The following ADGRL2 variants were observed in gnomAD, a reference collection of about 807,000 sequenced individuals.
ADGRL2 encodes calcium-independent alpha-latrotoxin receptor 2.
Under a neutral mutation model 157.4 loss-of-function variants are expected in ADGRL2, and 44 were observed. The observed-to-expected ratio is 0.28, with a 90% CI of 0.22 to 0.36. The LOEUF is 0.36. Ranked by LOEUF, ADGRL2 falls within the 10% of genes least tolerant of loss-of-function variation. The probability of loss-of-function intolerance (pLI) is 1.00; values close to 1 mark genes in which losing one functional copy is unlikely to be tolerated. For synonymous variants in ADGRL2, 585 were observed against 624.7 expected (o/e 0.94, Z 0.95); for missense variants, 1,510 against 1,768.9 (o/e 0.85, Z 2.63).
intron 14 of ADGRL2, among the ~76,000 whole-genome samples, chr1:81,968,577 TAACCAC>T (rs1657819071): frequency 6.6e-6 from 1 of 152,222 alleles, no homozygotes; most frequent in Admixed American, 6.5e-5. Flanking sequence ...TTAAGTTTCC[TAACCAC>T]TTTGCACATT....
At chr1:81,485,177 CAAAA>C (rs59279416) in intron 2 of ADGRL2, among the ~76,000 whole-genome samples, 2 of 100,126 alleles carry the variant, frequency 2.0e-5, no homozygotes, top group East Asian at 2.3e-4. Context: ...TTGAAAAGCA[CAAAA>C]AAAAAAAAAA....
chr1:81,845,641 G>T (rs1189385736), intron 2 of ADGRL2, among the ~76,000 whole-genome samples: 8 of 150,874 alleles, frequency 5.3e-5, no homozygotes, highest in Non-Finnish European at 1.2e-4. Context: ...TTTGTACACT[G>T]CTTTTGCCAG....
chr1:81,383,017 A>T (rs1253691043), intron 1 of ADGRL2, among the ~76,000 whole-genome samples: 3 of 152,212 alleles, frequency 2.0e-5, no homozygotes, highest in Non-Finnish European at 4.4e-5. Context: ...TTAAGCACAT[A>T]CAAGTCAGGC....
chr1:81,653,650 T>C (rs1220511399), intron 3 of ADGRL2, among the ~76,000 whole-genome samples: 1 of 152,224 alleles, frequency 6.6e-6, no homozygotes, highest in Admixed American at 6.5e-5. Flanking sequence ...TTTCTATTTC[T>C]ATTCATTCTT....
chr1:81,478,942 A>T (rs72940984), intron 2 of ADGRL2, among the ~76,000 whole-genome samples: 5,623 of 152,004 alleles, frequency 0.037, 346 homozygotes, highest in African/African-American at 0.13. Flanking sequence ...GCTAATATCC[A>T]AGACTGCACA....
chr1:81,409,724 C>T (rs1354002546), intron 1 of ADGRL2, among the ~76,000 whole-genome samples: 2 of 152,214 alleles, frequency 1.3e-5, no homozygotes, highest in Non-Finnish European at 2.9e-5. Context: ...ACACCCTCCC[C>T]TATTCTTGTA....
chr1:81,906,959 A>G (rs1172740817), intron 2 of ADGRL2, 58 bp from the exon 3 acceptor site: 1 of 1,360,898 alleles, frequency 7.3e-7, no homozygotes, highest in East Asian at 2.5e-5. Flanking sequence ...ATGCTTTACT[A>G]AAATAATTTA....
chr1:81,316,901 C>T (rs578173117), intron 1 of ADGRL2, among the ~76,000 whole-genome samples: 6 of 152,262 alleles, frequency 3.9e-5, no homozygotes, highest in East Asian at 3.9e-4. Context: ...TCATCCACCC[C>T]GATTTAGGGC....
In ADGRL2 at chr1:81,604,650, G is replaced by A. The variant is rs116638851; in HGVS notation, c.-143+23670G>A. On this transcript the variant is annotated intron_variant, in intron 3 of 24. Coordinates refer to the ADGRL2 transcript ENST00000370721. ...ATCAAGACAGTCATGGGCAAATCAA[G>A]AGAGCTGGCCACCCTACCAAGGGTA... is the stretch of plus-strand genomic sequence containing the variant. 8.1e-3 allele frequency among the ~76,000 whole-genome samples: 1,230 copies of A among 152,260 alleles called. 8 individuals are homozygous for A. Among genetic ancestry groups the A allele is most frequent in the Non-Finnish European group, 0.013 (885 of 68,010 alleles).
At chr1:81,366,960 C>G (rs1379890761) in intron 1 of ADGRL2, among the ~76,000 whole-genome samples, 2 of 152,146 alleles carry the variant, frequency 1.3e-5, no homozygotes, top group Admixed American at 1.3e-4. Flanking sequence ...CTGAGATGAT[C>G]TTAATCACCC....
At chr1:81,567,588 A>T (rs1204573312) in intron 2 of ADGRL2, among the ~76,000 whole-genome samples, 2 of 152,146 alleles carry the variant, frequency 1.3e-5, no homozygotes, top group African/African-American at 4.8e-5. Context: ...CATGAAAGTT[A>T]CAAGAAAATT....
chr1:81,592,149 A>G (rs1222169348), intron 3 of ADGRL2, among the ~76,000 whole-genome samples: 3 of 152,160 alleles, frequency 2.0e-5, no homozygotes. Context: ...CATACCTCTC[A>G]AAGCCAGAGA....
chr1:81,906,907 A>G lies in ADGRL2; in HGVS notation c.74-110A>G, dbSNP rs930990982. On this transcript the variant is annotated intron_variant, in intron 2 of 23. Transcript: ENST00000686636. Reference sequence around the variant, plus strand: ...ATTATTTAATAAATGCCTGAATTTTATGACATCTCTTGACGATAGACATGA... The same window carrying G: ...ATTATTTAATAAATGCCTGAATTTTGTGACATCTCTTGACGATAGACATGA... The G allele has an allele frequency of 5.6e-5, 47 of 835,344 alleles. 1 individual carries two copies. The highest frequency in any genetic ancestry group is 3.5e-4 in the Middle Eastern group (1 of 2,842). The allele number at this position is 835,344 out of a possible 1,614,324, so 51.7% of individuals were successfully genotyped here. A position where few individuals can be genotyped will look rare whatever the true frequency, so the allele number is the denominator to read the frequency against.
At chr1:81,594,776 T>C (rs1267641642) in intron 3 of ADGRL2, among the ~76,000 whole-genome samples, 1 of 152,234 alleles carries the variant, frequency 6.6e-6, no homozygotes, top group Non-Finnish European at 1.5e-5. Context: ...GGTAAGCCAT[T>C]GGACAGCAAA....
chr1:81,314,464 C>T (rs1659971315), intron 1 of ADGRL2, among the ~76,000 whole-genome samples: 1 of 151,948 alleles, frequency 6.6e-6, no homozygotes. Flanking sequence ...CAGGGTTTGC[C>T]CTCAGTAATA....
chr1:81,506,629 A>G (rs190410741), intron 2 of ADGRL2, among the ~76,000 whole-genome samples: 3 of 152,112 alleles, frequency 2.0e-5, no homozygotes, highest in Admixed American at 1.3e-4. Flanking sequence ...AGGATCACCT[A>G]AGGCCAGGAG....
At chr1:81,495,684 A>C (rs893412309) in intron 2 of ADGRL2, among the ~76,000 whole-genome samples, 1 of 152,314 alleles carries the variant, frequency 6.6e-6, no homozygotes, top group Admixed American at 6.5e-5. Context: ...TGCACAAACA[A>C]TTTTAAAAGG....
Position 81,468,932 on chromosome 1 carries a change from A to G in ADGRL2, c.-248+23843A>G, listed in dbSNP as rs112259684. On this transcript the variant is annotated intron_variant, in intron 2 of 24. Transcript: ENST00000370721. Reference sequence around the variant, plus strand: ...TCAGTGGAAGGAAAGGATGAAGAAAATAGTACAACCCAGTGAGGGGTTAGT... The same window carrying G: ...TCAGTGGAAGGAAAGGATGAAGAAAGTAGTACAACCCAGTGAGGGGTTAGT... Among the ~76,000 whole-genome samples the G allele has an allele frequency of 1.3e-3, 204 of 152,328 alleles. 2 individuals are homozygous for G. Among genetic ancestry groups the G allele is most frequent in the Admixed American group, 2.4e-3 (37 of 15,290 alleles).
intron 2 of ADGRL2, among the ~76,000 whole-genome samples, chr1:81,788,917 T>C (rs1180479016): frequency 6.6e-6 from 1 of 152,062 alleles, no homozygotes; most frequent in Non-Finnish European, 1.5e-5. Context: ...GAGGTTTCAC[T>C]GTGTTAACCA....
Sources: gnomAD v4.1 joint callset for allele counts (sites outside exome capture counted in the v4.1 genomes callset) on GRCh38, gnomAD v4.1.1 for gene constraint, MANE v1.5 for transcripts, NCBI Gene and HGNC (gene_info 2026-07-23, HGNC 2026-07-21) for gene names.